TCF7L2: variants seen among roughly 807,000 people sequenced by gnomAD.
The protein encoded by TCF7L2 is transcription factor 7 like 2, also known as transcription factor 7-like 2.
A neutral mutation model predicts 77.9 loss-of-function variants in TCF7L2; 23 were observed. The ratio of observed to expected loss-of-function variants is 0.30; its 90% CI spans 0.21 to 0.42. The LOEUF (loss-of-function observed/expected upper bound fraction) is 0.42. Among genes scored for constraint, TCF7L2 ranks in the 10% least tolerant of loss-of-function variants. The pLI is 1.00. For synonymous variants in TCF7L2, 413 were observed against 340.2 expected, an observed-to-expected ratio of 1.21 and a Z score of -2.36; for missense variants, 654 against 793.1, an observed-to-expected ratio of 0.82 and a Z score of 2.11.
rs758967440 is a variant in TCF7L2, at chr10:113,040,114, G to A, written c.540G>A (p.Pro180=). Residue 180 remains proline, a synonymous_variant, in exon 5 of 14, where the codon CCG becomes CCA. Transcript: ENST00000627217. The stretch of plus-strand genomic sequence containing the variant: ...TCAAGGATGCCCGGTCCCCATCACC[G>A]GCACACATTGTCGTAAGTAACCTCC... 2.5e-5 allele frequency: 41 copies of A among 1,613,572 alleles called. No individual in the cohort carries two copies. Among genetic ancestry groups the A allele is most frequent in the Non-Finnish European group, 3.2e-5 (38 of 1,179,712 alleles).
Position 113,048,669 on chromosome 10 carries a change from G to T in TCF7L2, c.552+8543G>T, listed in dbSNP as rs74157205. Among the ~76,000 whole-genome samples, 297 of 152,274 alleles carry T rather than the reference G, an allele frequency of 2.0e-3. 3 individuals carry two copies. The highest frequency in any genetic ancestry group is 6.2e-3 in the African/African-American group (259 of 41,550). On this transcript the variant is annotated intron_variant, in intron 5 of 13. Coordinates refer to ENST00000627217, the MANE Select transcript of TCF7L2 (RefSeq NM_001146274.2). ...TATACATTCCAGCTCACAGTGGAGC[G>T]TGTCTAATTGCCACAGCAGCATTTA...
At chr10:113,099,986 T>C (rs759172737) in intron 5 of TCF7L2, among the ~76,000 whole-genome samples, 1 of 152,178 alleles carries the variant, frequency 6.6e-6, no homozygotes, top group African/African-American at 2.4e-5. Flanking sequence ...ACCCCAGCTT[T>C]TCTGTCCCAA....
intron 5 of TCF7L2, among the ~76,000 whole-genome samples, chr10:113,124,763 G>A (rs925575230): frequency 9.2e-5 from 14 of 151,422 alleles, no homozygotes; most frequent in Non-Finnish European, 1.5e-4. Flanking sequence ...CTCGTAAAAC[G>A]TTTTCTGCTA....
At chr10:112,991,645 TGGTCCCCACCATCTAGTCAG>T (rs981545581) in intron 4 of TCF7L2, among the ~76,000 whole-genome samples, 15 of 152,284 alleles carry the variant, frequency 9.9e-5, no homozygotes, top group African/African-American at 3.4e-4. Flanking sequence ...TCTCTTTAGA[TGGTCCCCACCATCTAGTCAG>T]GGCTTGTTAC....
At chr10:113,029,607 A>G (rs1482924405) in intron 4 of TCF7L2, among the ~76,000 whole-genome samples, 2 of 149,310 alleles carry the variant, frequency 1.3e-5, no homozygotes, top group African/African-American at 2.5e-5. Flanking sequence ...GCTCACTGCA[A>G]CCTCCACCTC....
intron 5 of TCF7L2, among the ~76,000 whole-genome samples, chr10:113,111,165 G>A (rs955239125): frequency 6.6e-6 from 1 of 152,084 alleles, no homozygotes; most frequent in African/African-American, 2.4e-5. Flanking sequence ...GGGCTGGATG[G>A]TCATAGAACT....
intron 4 of TCF7L2, among the ~76,000 whole-genome samples, chr10:112,972,720 C>G (rs1353391280): frequency 6.6e-6 from 1 of 152,166 alleles, no homozygotes; most frequent in Admixed American, 6.5e-5. Context: ...CTCCGCCTGC[C>G]TTAGCCTCCC....
chr10:113,113,501 C>T (rs1591848971), intron 5 of TCF7L2, among the ~76,000 whole-genome samples: 1 of 152,106 alleles, frequency 6.6e-6, no homozygotes, highest in Admixed American at 6.5e-5. Context: ...GATGACTTCT[C>T]TTGAAAGGGG....
intron 4 of TCF7L2, among the ~76,000 whole-genome samples, chr10:112,985,076 C>T (rs1254987439): frequency 2.0e-5 from 3 of 152,158 alleles, no homozygotes; most frequent in East Asian, 3.9e-4. Context: ...ACATGTACAG[C>T]GCCACAGTGC....
chr10:113,034,070 G>A (rs997500813), intron 4 of TCF7L2, among the ~76,000 whole-genome samples: 12 of 152,212 alleles, frequency 7.9e-5, no homozygotes, highest in African/African-American at 2.7e-4. Context: ...AAGATGGGCT[G>A]AATTTTCCAT....
chr10:113,142,668 G>T (rs925165753), intron 6 of TCF7L2, among the ~76,000 whole-genome samples: 5 of 152,214 alleles, frequency 3.3e-5, no homozygotes, highest in African/African-American at 4.8e-5. Flanking sequence ...CTTTGTGCTG[G>T]TGCAGGACTG....
intron 12 of TCF7L2, 58 bp from the exon 14 acceptor site, chr10:113,159,862 T>G: frequency 2.1e-6 from 1 of 477,110 alleles, no homozygotes; most frequent in Non-Finnish European, 3.9e-6. Flanking sequence ...TCTCTCTCTC[T>G]CTCTCCCTTT....
In TCF7L2 at chr10:113,163,725, T is replaced by C. The variant is rs901779113; in HGVS notation, c.1392-1830T>C. 2.6e-5 allele frequency among the ~76,000 whole-genome samples: 4 copies of C among 151,268 alleles called. No individual in the cohort carries two copies. In the East Asian group the frequency reaches 7.8e-4, roughly 29 times the overall value. ...GGGGGTGGTGCTTGCTCCCCTAGAG[T>C]TCCTTCTGACCCAGAAGGAACAGAC... On this transcript the variant is annotated intron_variant, in intron 13 of 13. Transcript: ENST00000627217.
chr10:113,140,899 G>C (rs1285132594), intron 5 of TCF7L2, among the ~76,000 whole-genome samples: 2 of 152,198 alleles, frequency 1.3e-5, no homozygotes, highest in East Asian at 3.8e-4. Flanking sequence ...AATGGGAAAA[G>C]TGCAGACTCT....
chr10:113,117,668 C>T (rs1230275184), intron 5 of TCF7L2, among the ~76,000 whole-genome samples: 1 of 152,134 alleles, frequency 6.6e-6, no homozygotes, highest in Non-Finnish European at 1.5e-5. Flanking sequence ...TAGTCAATGC[C>T]GGGAAACGGC....
intron 8 of TCF7L2, among the ~76,000 whole-genome samples, chr10:113,148,990 T>C (rs2070134727): frequency 1.3e-5 from 2 of 152,196 alleles, no homozygotes; most frequent in Admixed American, 1.3e-4. Flanking sequence ...GCAGTGTTTT[T>C]CTCTCTCCCC....
rs1287679559 is a variant in TCF7L2, at chr10:112,953,950, C to T, written c.381+2343C>T. Among the ~76,000 whole-genome samples, 3 of 152,214 alleles carry T rather than the reference C, an allele frequency of 2.0e-5. No homozygotes were observed. In the East Asian group the frequency reaches 5.8e-4, roughly 29 times the overall value. On this transcript the variant is annotated intron_variant, in intron 3 of 13. Transcript: ENST00000627217. The stretch of plus-strand genomic sequence containing the variant: ...ATCTTTGTGTACACTGCCCCTTCGT[C>T]CTTCCTCCCTGTTACCTGGGTTAGA...
At chr10:113,141,085 G>A in intron 5 of TCF7L2, 99 bp from the exon 6 acceptor site, 1 of 1,485,000 alleles carries the variant, frequency 6.7e-7, no homozygotes, top group Non-Finnish European at 9.2e-7. Context: ...AAATCCAGGT[G>A]AGAGGCTGTG....
intron 4 of TCF7L2, among the ~76,000 whole-genome samples, chr10:112,991,346 G>A (rs944516069): frequency 2.0e-4 from 31 of 151,904 alleles, no homozygotes; most frequent in Non-Finnish European, 4.3e-4. Flanking sequence ...TGGCTAACAC[G>A]ATGAAACCCC....
Sources: allele counts gnomAD v4.1 joint callset (sites outside exome capture counted in the v4.1 genomes callset), GRCh38; gene constraint gnomAD v4.1.1; transcripts MANE v1.5; gene names NCBI Gene and HGNC (gene_info 2026-07-23, HGNC 2026-07-21).